PHTF2: variants seen among roughly 807,000 people sequenced by gnomAD.
PHTF2 encodes the protein protein PHTF2.
In PHTF2, 60 loss-of-function variants were observed where a neutral mutation model predicts 101.2. The ratio of observed to expected loss-of-function variants is 0.59; its 90% CI spans 0.48 to 0.73. The LOEUF (loss-of-function observed/expected upper bound fraction) is 0.73. Ranked by LOEUF, PHTF2 falls within the 30% of genes least tolerant of loss-of-function variation. The probability of loss-of-function intolerance (pLI) is 0.00; values close to 1 mark genes in which losing one functional copy is unlikely to be tolerated. For synonymous variants in PHTF2, 311 were observed against 307.3 expected (o/e 1.01, Z -0.13); for missense variants, 747 against 908.7 (o/e 0.82, Z 2.29).
intron 7 of PHTF2, among the ~76,000 whole-genome samples, chr7:77,905,332 C>T (rs1411502529): frequency 6.6e-6 from 1 of 152,048 alleles, no homozygotes. Flanking sequence ...CACAAACAAT[C>T]CTCCAGCCTC....
At chr7:77,932,962 A>G (rs1804742959) in intron 12 of PHTF2, among the ~76,000 whole-genome samples, 1 of 152,094 alleles carries the variant, frequency 6.6e-6, no homozygotes, top group Non-Finnish European at 1.5e-5. Flanking sequence ...TAAGTGTTCA[A>G]TAAATAGTTG....
At chr7:77,926,384 TG>T (rs1804004390) in intron 11 of PHTF2, among the ~76,000 whole-genome samples, 1 of 152,196 alleles carries the variant, frequency 6.6e-6, no homozygotes, top group Middle Eastern at 3.2e-3. Context: ...TTTGTATATT[TG>T]TTTTTACTTA....
At chr7:77,904,764 T>TGG (rs1801704209) in intron 7 of PHTF2, among the ~76,000 whole-genome samples, 1 of 152,166 alleles carries the variant, frequency 6.6e-6, no homozygotes, top group Non-Finnish European at 1.5e-5. Context: ...TCTCCAAACG[T>TGG]AGTCACATTG....
At chr7:77,815,410 G>A (rs1372332140) in intron 1 of PHTF2, among the ~76,000 whole-genome samples, 1 of 152,070 alleles carries the variant, frequency 6.6e-6, no homozygotes, top group African/African-American at 2.4e-5. Context: ...TATTTATGAT[G>A]GTAAGAATTC....
At chr7:77,912,902 G>A (rs58960565) in intron 9 of PHTF2, among the ~76,000 whole-genome samples, 20 of 151,144 alleles carry the variant, frequency 1.3e-4, no homozygotes, top group African/African-American at 4.6e-4. Context: ...CCAGCTAAGA[G>A]AACCACTATT....
chr7:77,812,746 C>T (rs373098609), intron 1 of PHTF2, among the ~76,000 whole-genome samples: 10 of 152,174 alleles, frequency 6.6e-5, no homozygotes, highest in African/African-American at 1.2e-4. Context: ...CACGCCACCA[C>T]GCCCAGCTGA....
At chr7:77,877,382 C>T (rs529082770) in intron 3 of PHTF2, among the ~76,000 whole-genome samples, 11 of 152,274 alleles carry the variant, frequency 7.2e-5, no homozygotes, top group Non-Finnish European at 1.3e-4. Flanking sequence ...GGATTACAGG[C>T]GTGAGCCACC....
chr7:77,943,111 TTTTCTTTC>T (rs540036362), intron 16 of PHTF2, among the ~76,000 whole-genome samples: 3 of 56,468 alleles, frequency 5.3e-5, no homozygotes, highest in African/African-American at 1.1e-4. Context: ...TTTACTATTC[TTTTCTTTC>T]TTTCTTTCTT....
chr7:77,889,586 T>C (rs1800183419), intron 3 of PHTF2, among the ~76,000 whole-genome samples: 2 of 151,034 alleles, frequency 1.3e-5, no homozygotes. Context: ...TCTTTTTTTT[T>C]TTTTTTCCTT....
At chr7:77,897,896 G>A (rs558017419) in intron 5 of PHTF2, among the ~76,000 whole-genome samples, 2 of 151,630 alleles carry the variant, frequency 1.3e-5, no homozygotes, top group Non-Finnish European at 2.9e-5. Context: ...GGCTAGGCTG[G>A]TCTTGAACTC....
intron 7 of PHTF2, among the ~76,000 whole-genome samples, chr7:77,905,366 T>C (rs1478296264): frequency 6.6e-6 from 1 of 151,880 alleles, no homozygotes; most frequent in Non-Finnish European, 1.5e-5. Flanking sequence ...GCTAGGACTA[T>C]AGGAGCACGC....
intron 1 of PHTF2, among the ~76,000 whole-genome samples, chr7:77,813,657 A>G (rs1236259522): frequency 2.0e-5 from 3 of 152,248 alleles, no homozygotes; most frequent in South Asian, 2.1e-4. Flanking sequence ...AATGAAATGT[A>G]TGAGCTATAC....
chr7:77,937,731 A>G (rs1171832968), exon 13 of PHTF2: 1 of 1,420,126 alleles, frequency 7.0e-7, no homozygotes, highest in South Asian at 1.5e-5. Context: ...CTGGCTCCAT[A>G]GTTCCCACCC....
intron 5 of PHTF2, chr7:77,895,276 A>G (rs755089429): frequency 1.4e-5 from 5 of 361,532 alleles, no homozygotes; most frequent in Non-Finnish European, 2.7e-5. Flanking sequence ...ATTTCTGTTG[A>G]ATGATGAAAT....
intron 1 of PHTF2, among the ~76,000 whole-genome samples, chr7:77,812,451 A>C (rs1793513678): frequency 6.6e-6 from 1 of 152,202 alleles, no homozygotes; most frequent in Non-Finnish European, 1.5e-5. Flanking sequence ...GTACTGTAAG[A>C]AGTTAGAACT....
chr7:77,946,520 A>G (rs1222844837), intron 16 of PHTF2, among the ~76,000 whole-genome samples: 1 of 152,242 alleles, frequency 6.6e-6, no homozygotes, highest in Non-Finnish European at 1.5e-5. Flanking sequence ...GCGACTTTAC[A>G]GACACATTAT....
At chr7:77,848,615 T>C (rs543644053) in intron 2 of PHTF2, among the ~76,000 whole-genome samples, 1 of 152,338 alleles carries the variant, frequency 6.6e-6, no homozygotes, top group East Asian at 1.9e-4. Context: ...TGTTAATTCA[T>C]TGTCAGATGG....
intron 7 of PHTF2, among the ~76,000 whole-genome samples, chr7:77,906,739 T>C (rs545208019): frequency 1.3e-5 from 2 of 152,234 alleles, no homozygotes; most frequent in South Asian, 2.1e-4. Context: ...AAACCCCATC[T>C]CTACTAAAAA....
At chr7:77,805,895 T>G (rs1348799999) in intron 1 of PHTF2, among the ~76,000 whole-genome samples, 1 of 152,160 alleles carries the variant, frequency 6.6e-6, no homozygotes, top group Non-Finnish European at 1.5e-5. Flanking sequence ...TCAAACAAGG[T>G]TGGGTGGAGT....
Sources: gnomAD v4.1 joint callset for allele counts (sites outside exome capture counted in the v4.1 genomes callset) on GRCh38, gnomAD v4.1.1 for gene constraint, MANE v1.5 for transcripts, NCBI Gene and HGNC (gene_info 2026-07-23, HGNC 2026-07-21) for gene names.